TOX3: variants seen among roughly 807,000 people sequenced by gnomAD.
TOX3 encodes TOX high mobility group box family member 3.
A neutral mutation model predicts 64.3 loss-of-function variants in TOX3; 22 were observed. The observed-to-expected ratio is 0.34, with a 90% CI of 0.24 to 0.49. The LOEUF (loss-of-function observed/expected upper bound fraction) is 0.49, where lower values mean the gene tolerates loss of function less well. Ranked by LOEUF, TOX3 falls within the 20% of genes least tolerant of loss-of-function variation. TOX3 has a pLI of 0.99. For synonymous variants in TOX3, 291 were observed against 273.6 expected, an observed-to-expected ratio of 1.06 and a Z score of -0.63; for missense variants, 661 against 714.4, an observed-to-expected ratio of 0.93 and a Z score of 0.85.
At chr16:52,444,005 G>A (rs988235152) in intron 6 of TOX3, among the ~76,000 whole-genome samples, 5 of 152,118 alleles carry the variant, frequency 3.3e-5, no homozygotes, top group Admixed American at 3.3e-4. Flanking sequence ...GAAAGCATAA[G>A]AGCCTATTTA....
Position 52,546,931 on chromosome 16 carries a change from G to C in TOX3, c.-208C>G, listed in dbSNP as rs1963210520. 9.8e-7 allele frequency: 1 copy of C among 1,024,524 alleles called. No homozygotes were observed. Among genetic ancestry groups the C allele is most frequent in the South Asian group, 4.6e-5 (1 of 21,736 alleles). 63.5% of individuals were successfully genotyped at this position (1,024,524 alleles called of 1,614,324 possible). A position where few individuals can be genotyped will look rare whatever the true frequency, so the allele number is the denominator to read the frequency against. ...GCGCGGCCACGCGAGCCGCGGGAGA[G>C]CGGGAGGCGGCCGGGGGGACGCGCC... On this transcript the variant is annotated 5_prime_UTR_variant, in exon 1 of 7. Transcript: ENST00000219746.
At chr16:52,506,547 G>T (rs1962167125) in intron 1 of TOX3, among the ~76,000 whole-genome samples, 1 of 152,034 alleles carries the variant, frequency 6.6e-6, no homozygotes, top group Non-Finnish European at 1.5e-5. Context: ...TTTTAAAGAA[G>T]GGGGGTTTCT....
chr16:52,454,218 G>A (rs1292521877), intron 3 of TOX3, among the ~76,000 whole-genome samples: 4 of 151,710 alleles, frequency 2.6e-5, no homozygotes, highest in African/African-American at 9.7e-5. Context: ...TATAAATTGA[G>A]GTTCCTCATA....
intron 3 of TOX3, among the ~76,000 whole-genome samples, chr16:52,457,798 C>A (rs1960564735): frequency 6.6e-6 from 1 of 152,154 alleles, no homozygotes. Context: ...TACAGACCTG[C>A]ATACCACCAC....
chr16:52,464,245 C>T (rs1960787386), intron 2 of TOX3, 57 bp from the exon 3 acceptor site: 3 of 1,372,488 alleles, frequency 2.2e-6, no homozygotes, highest in African/African-American at 1.5e-5. Flanking sequence ...CTTATTCCTC[C>T]GGGGAGGGAA....
intron 3 of TOX3, among the ~76,000 whole-genome samples, chr16:52,456,141 A>G (rs1272132443): frequency 6.6e-6 from 1 of 152,146 alleles, no homozygotes; most frequent in Non-Finnish European, 1.5e-5. Flanking sequence ...CTGGGTTAGG[A>G]AGTCTGGATT....
At chr16:52,487,737 T>C (rs1253311355) in intron 1 of TOX3, among the ~76,000 whole-genome samples, 1 of 152,220 alleles carries the variant, frequency 6.6e-6, no homozygotes, top group Non-Finnish European at 1.5e-5. Flanking sequence ...AGTTAATACA[T>C]GAAATATTAA....
chr16:52,546,623 C>T lies in TOX3; in HGVS notation c.87+14G>A, dbSNP rs1321405705. 6.5e-7 allele frequency: 1 copy of T among 1,537,606 alleles called. No homozygotes were observed. The highest frequency in any genetic ancestry group is 8.7e-7 in the Non-Finnish European group (1 of 1,144,792). Reference sequence around the variant, plus strand: ...TGGCCCCCGCCCCCCGGCCCACCGGCCCAGCCCGGTCACCTTGCTGTAGCC... The same window carrying T: ...TGGCCCCCGCCCCCCGGCCCACCGGTCCAGCCCGGTCACCTTGCTGTAGCC... On this transcript the variant is annotated intron_variant, in intron 1 of 6. Transcript: ENST00000219746.
At chr16:52,442,713 C>A (rs1352390975) in intron 6 of TOX3, among the ~76,000 whole-genome samples, 2 of 152,168 alleles carry the variant, frequency 1.3e-5, no homozygotes, top group Admixed American at 6.5e-5. Flanking sequence ...AAACTTATAC[C>A]TAAAGGACTA....
chr16:52,451,452 A>AT (rs949685847), intron 3 of TOX3, among the ~76,000 whole-genome samples: 14 of 150,958 alleles, frequency 9.3e-5, no homozygotes, highest in Middle Eastern at 3.2e-3. Context: ...CTTATTCTCT[A>AT]TTTTTTTTTA....
chr16:52,522,841 C>T (rs546141961), intron 1 of TOX3, among the ~76,000 whole-genome samples: 25 of 152,100 alleles, frequency 1.6e-4, no homozygotes, highest in African/African-American at 1.9e-4. Flanking sequence ...TTGTTTTTTG[C>T]GAATCCCACT....
intron 4 of TOX3, among the ~76,000 whole-genome samples, chr16:52,447,788 AG>A (rs1189479405): frequency 6.6e-6 from 1 of 152,212 alleles, no homozygotes; most frequent in East Asian, 1.9e-4. Context: ...CCTGGAGCCA[AG>A]TTTTCCTTCA....
chr16:52,514,084 C>T (rs1447744151), intron 1 of TOX3, among the ~76,000 whole-genome samples: 1 of 152,158 alleles, frequency 6.6e-6, no homozygotes, highest in Non-Finnish European at 1.5e-5. Context: ...AAGAGATTTA[C>T]ATATATTTTT....
At chr16:52,547,781 A>T (rs1963233063), upstream of TOX3, 1 of 152,148 alleles carries the variant, frequency 6.6e-6, no homozygotes, top group African/African-American at 2.4e-5. Flanking sequence ...GAAGCTTCCC[A>T]GGTGAAGCCT....
intron 1 of TOX3, among the ~76,000 whole-genome samples, chr16:52,504,556 A>T (rs567256789): frequency 3.9e-5 from 6 of 152,186 alleles, no homozygotes; most frequent in African/African-American, 1.2e-4. Flanking sequence ...TACACACATT[A>T]GTTAGAGACC....
intron 1 of TOX3, among the ~76,000 whole-genome samples, chr16:52,472,259 G>T (rs566506277): frequency 6.6e-6 from 1 of 152,110 alleles, no homozygotes; most frequent in East Asian, 1.9e-4. Flanking sequence ...AAAAGATGAC[G>T]AATTTTCTAC....
At chr16:52,520,578 C>T (rs925501404) in intron 1 of TOX3, among the ~76,000 whole-genome samples, 3 of 152,176 alleles carry the variant, frequency 2.0e-5, no homozygotes, top group Admixed American at 2.0e-4. Flanking sequence ...TATCCAAAAC[C>T]TTAGGGCCAG....
chr16:52,519,557 T>A (rs1962547414), intron 1 of TOX3: 1 of 1,504,846 alleles, frequency 6.6e-7, no homozygotes, highest in Non-Finnish European at 8.9e-7. Flanking sequence ...TGGATGGGGT[T>A]CAGTGAGAGA....
upstream of TOX3, chr16:52,547,384 C>T (rs1243490499): frequency 1.3e-5 from 2 of 150,028 alleles, no homozygotes; most frequent in African/African-American, 4.9e-5. Flanking sequence ...CCCCTTCCCG[C>T]TCCGGTCCTC....
Sources: allele counts gnomAD v4.1 joint callset (sites outside exome capture counted in the v4.1 genomes callset), GRCh38; gene constraint gnomAD v4.1.1; transcripts MANE v1.5; gene names NCBI Gene and HGNC (gene_info 2026-07-23, HGNC 2026-07-21).